Variants in RAD51B observed in about 807,000 individuals in gnomAD.
RAD51B encodes the protein RAD51 paralog B, also known as DNA repair protein RAD51 homolog 2.
Under a neutral mutation model 42.2 loss-of-function variants are expected in RAD51B, and 38 were observed. The observed-to-expected ratio is 0.90, with a 90% CI of 0.70 to 1.18. The LOEUF is 1.18. RAD51B is among the 50% of genes most tolerant of loss of function. RAD51B has a pLI of 0.00. For synonymous variants in RAD51B, 154 were observed against 145.2 expected (o/e 1.06, Z -0.43); for missense variants, 373 against 400.7 (o/e 0.93, Z 0.59).
At chr14:67,967,499 A>G (rs752414153) in intron 7 of RAD51B, among the ~76,000 whole-genome samples, 23 of 152,362 alleles carry the variant, frequency 1.5e-4, no homozygotes, top group Non-Finnish European at 1.5e-5. Flanking sequence ...CCTAGACACA[A>G]TAAGGGTACA....
intron 7 of RAD51B, among the ~76,000 whole-genome samples, chr14:68,163,977 TGA>T: frequency 6.6e-6 from 1 of 152,340 alleles, no homozygotes; most frequent in Middle Eastern, 3.4e-3. Context: ...CTATTTTTCT[TGA>T]GAAGAAATGT....
chr14:68,506,935 C>T (rs956974245), intron 10 of RAD51B, among the ~76,000 whole-genome samples: 3 of 152,134 alleles, frequency 2.0e-5, no homozygotes, highest in Non-Finnish European at 4.4e-5. Context: ...CTCCCCATAC[C>T]ACAGGTGGGT....
intron 7 of RAD51B, among the ~76,000 whole-genome samples, chr14:67,901,249 G>A (rs894644738): frequency 6.6e-6 from 1 of 152,182 alleles, no homozygotes; most frequent in African/African-American, 2.4e-5. Context: ...AGCCACAGGG[G>A]TACTAAAACC....
chr14:67,876,148 T>A (rs1486288827), intron 5 of RAD51B, among the ~76,000 whole-genome samples: 1 of 150,308 alleles, frequency 6.7e-6, no homozygotes, highest in African/African-American at 2.5e-5. Context: ...GAATCTGTAA[T>A]GAATTAATAG....
rs539507230 is a variant in RAD51B at position 67,931,500 on chromosome 14, C to CTT, written c.756+44314_756+44315dup. 6.6e-3 allele frequency among the ~76,000 whole-genome samples: 770 copies of CTT among 117,546 alleles called. 12 individuals are homozygous for CTT. Among genetic ancestry groups the CTT allele is most frequent in the African/African-American group, 0.022 (698 of 31,036 alleles). The allele number at this position is 117,546 out of a possible 152,430, so 77.1% of individuals were successfully genotyped here. On this transcript the variant is annotated intron_variant, in intron 7 of 10. Coordinates refer to ENST00000471583, the MANE Select transcript of RAD51B (RefSeq NM_133510.4). ...ATTTTGAATTCTTTTTCTGGGATTTCTTTTTTTTTTTTTTTTTTTGAGACA... is the reference window on the plus strand; with the variant it reads ...ATTTTGAATTCTTTTTCTGGGATTTCTTTTTTTTTTTTTTTTTTTTTGAGACA...
chr14:68,042,974 A>G (rs1287371754), intron 7 of RAD51B, among the ~76,000 whole-genome samples: 1 of 152,218 alleles, frequency 6.6e-6, no homozygotes, highest in Non-Finnish European at 1.5e-5. Context: ...GATTTGCTCT[A>G]ATAACCACAA....
intron 10 of RAD51B, among the ~76,000 whole-genome samples, chr14:68,511,108 T>C (rs755414821): frequency 1.3e-5 from 2 of 151,890 alleles, no homozygotes; most frequent in African/African-American, 2.4e-5. Context: ...GTGAGTAGAG[T>C]TGGGAAAGGT....
chr14:68,044,571 A>G (rs925927260), intron 7 of RAD51B, among the ~76,000 whole-genome samples: 2 of 152,160 alleles, frequency 1.3e-5, no homozygotes, highest in Non-Finnish European at 2.9e-5. Flanking sequence ...TCAACTTTCT[A>G]TATCTTTATT....
chr14:68,273,117 G>T (rs996835395), intron 7 of RAD51B, among the ~76,000 whole-genome samples: 5 of 152,162 alleles, frequency 3.3e-5, no homozygotes, highest in African/African-American at 1.2e-4. Flanking sequence ...CTTCCTACAA[G>T]TGGTCAGACA....
At chr14:68,097,357 A>T (rs2077213291) in intron 7 of RAD51B, among the ~76,000 whole-genome samples, 1 of 152,092 alleles carries the variant, frequency 6.6e-6, no homozygotes, top group African/African-American at 2.4e-5. Flanking sequence ...TGCCATGTAG[A>T]AGTTTTTGAA....
chr14:67,857,699 A>C lies in RAD51B; in HGVS notation c.316-7304A>C, dbSNP rs569622231. On this transcript the variant is annotated intron_variant, in intron 4 of 10. Coordinates refer to ENST00000471583, the MANE Select transcript of RAD51B (RefSeq NM_133510.4). ...AAAGGCTAGTCCTTTTTCCTCTGCT[A>C]GTTAGCACTCTAATGATATTAATGA... Among the ~76,000 whole-genome samples the C allele has an allele frequency of 7.9e-4, 121 of 152,340 alleles. 1 individual carries two copies. The highest frequency in any genetic ancestry group is 2.9e-3 in the African/African-American group (120 of 41,570).
At chr14:68,213,918 G>A (rs1286314427) in intron 7 of RAD51B, among the ~76,000 whole-genome samples, 1 of 152,192 alleles carries the variant, frequency 6.6e-6, no homozygotes, top group Non-Finnish European at 1.5e-5. Flanking sequence ...TGGTGTCTAA[G>A]AGAGTAAAAA....
At chr14:68,447,854 T>A (rs2085458762) in intron 9 of RAD51B, among the ~76,000 whole-genome samples, 1 of 152,212 alleles carries the variant, frequency 6.6e-6, no homozygotes, top group Non-Finnish European at 1.5e-5. Flanking sequence ...CTGTAAAATA[T>A]TCTTTCCAGT....
chr14:68,287,278 C>T (rs1332864745), intron 7 of RAD51B, among the ~76,000 whole-genome samples: 3 of 152,160 alleles, frequency 2.0e-5, no homozygotes, highest in African/African-American at 7.2e-5. Flanking sequence ...CTATGTGACA[C>T]TATATGAGGT....
chr14:68,317,373 G>A (rs185128223), intron 8 of RAD51B, among the ~76,000 whole-genome samples: 4 of 152,244 alleles, frequency 2.6e-5, no homozygotes, highest in African/African-American at 9.6e-5. Flanking sequence ...TGGATAGTGA[G>A]ACAATGTCTC....
At position 68,291,867 on chromosome 14, in the gene RAD51B, T is replaced by G; in HGVS notation, c.757-17T>G. ...CTTCTCCCTTGCCCCCTACCCCTTC[T>G]CCCTGTCTGTTCACAGGTTATCTTG... On this transcript the variant is annotated splice_polypyrimidine_tract_variant and intron_variant, in intron 7 of 10. Transcript: ENST00000471583. 6.3e-7 allele frequency: 1 copy of G among 1,594,220 alleles called. No homozygotes were observed.
intron 7 of RAD51B, among the ~76,000 whole-genome samples, chr14:68,086,260 G>C (rs1327776314): frequency 1.3e-5 from 2 of 152,138 alleles, no homozygotes; most frequent in Non-Finnish European, 2.9e-5. Flanking sequence ...CGCGTTGTTG[G>C]CTTGCCGGTG....
intron 7 of RAD51B, among the ~76,000 whole-genome samples, chr14:68,062,667 G>A (rs2076586002): frequency 6.6e-6 from 1 of 151,796 alleles, no homozygotes; most frequent in Non-Finnish European, 1.5e-5. Flanking sequence ...AAATTAGCTG[G>A]CCATGGTGAC....
intron 7 of RAD51B, among the ~76,000 whole-genome samples, chr14:68,253,494 T>A (rs1413989940): frequency 1.3e-5 from 2 of 152,240 alleles, no homozygotes; most frequent in Non-Finnish European, 2.9e-5. Flanking sequence ...GTTTCAGTTA[T>A]TTTTCCCAGT....
Sources: gnomAD v4.1 joint callset for allele counts (sites outside exome capture counted in the v4.1 genomes callset) on GRCh38, gnomAD v4.1.1 for gene constraint, MANE v1.5 for transcripts, NCBI Gene and HGNC (gene_info 2026-07-23, HGNC 2026-07-21) for gene names.